TBCE: variants seen among roughly 807,000 people sequenced by gnomAD.
The protein encoded by TBCE is tubulin-specific chaperone E.
A neutral mutation model predicts 77.0 loss-of-function variants in TBCE; 53 were observed. The observed-to-expected ratio is 0.69, with a 90% CI of 0.55 to 0.87. The LOEUF is 0.87. TBCE is among the 40% of genes least tolerant of loss of function. TBCE has a pLI of 0.00. For missense variants in TBCE, 624 were observed against 622.4 expected, an observed-to-expected ratio of 1.00 and a Z score of -0.03; for synonymous variants, 235 against 241.3, an observed-to-expected ratio of 0.97 and a Z score of 0.24.
Position 235,372,232 on chromosome 1 carries a change from A to C in TBCE, c.-32+4728A>C, listed in dbSNP as rs140741914. 3.6e-3 allele frequency among the ~76,000 whole-genome samples: 540 copies of C among 151,660 alleles called. 4 individuals are homozygous for C. The highest frequency in any genetic ancestry group is 0.013 in the African/African-American group (525 of 41,382). ...TCCACCTCGCCAGGCTAATTTTTGT[A>C]TTTTTAGTTGCAACGGGATTTCACC... On this transcript the variant is annotated intron_variant, in intron 1 of 16. Coordinates refer to ENST00000642610, the MANE Select transcript of TBCE (RefSeq NM_003193.5).
At chr1:235,376,873 G>C (rs540932077) in intron 1 of TBCE, among the ~76,000 whole-genome samples, 95 of 152,114 alleles carry the variant, frequency 6.2e-4, no homozygotes, top group African/African-American at 2.0e-3. Flanking sequence ...ACTCAGGAGG[G>C]TGAGGCGGAA....
intron 5 of TBCE, among the ~76,000 whole-genome samples, chr1:235,420,506 C>G: frequency 9.5e-6 from 1 of 105,132 alleles, no homozygotes; most frequent in South Asian, 2.9e-4. Context: ...TTTTTTGAGA[C>G]GGAGTCTCGC....
intron 7 of TBCE, 114 bp downstream of exon 7, chr1:235,430,918 C>A: frequency 1.1e-6 from 1 of 872,054 alleles, no homozygotes; most frequent in South Asian, 1.5e-5. Context: ...TTAAATCATC[C>A]CAGTATCTAT....
intron 3 of TBCE, among the ~76,000 whole-genome samples, chr1:235,410,937 T>A (rs1477743834): frequency 6.6e-6 from 1 of 152,172 alleles, no homozygotes; most frequent in Non-Finnish European, 1.5e-5. Context: ...AGTGTTCAGT[T>A]TAAGAAAACA....
intron 15 of TBCE, among the ~76,000 whole-genome samples, chr1:235,448,076 A>G (rs1682549684): frequency 6.6e-6 from 1 of 151,934 alleles, no homozygotes. Flanking sequence ...GGGTGTGGTG[A>G]TGGGCACCAG....
intron 4 of TBCE, chr1:235,415,328 C>T (rs1680050369): frequency 6.6e-6 from 1 of 152,450 alleles, no homozygotes; most frequent in African/African-American, 2.4e-5. Flanking sequence ...ATTCTCTTTT[C>T]TCTGAAACTG....
Position 235,450,375 on chromosome 1 carries a change from G to A in TBCE, c.*1613G>A. ...AACAACCAAAGCCGATCTGAGAGTGGTGAAACTGTTTTAAGAGCATCAGAA... is the reference window on the plus strand; with the variant it reads ...AACAACCAAAGCCGATCTGAGAGTGATGAAACTGTTTTAAGAGCATCAGAA... On this transcript the variant is annotated 3_prime_UTR_variant, in exon 17 of 17. Transcript: ENST00000642610. 2.5e-6 allele frequency: 4 copies of A among 1,609,480 alleles called. No homozygotes were observed. Among genetic ancestry groups the A allele is most frequent in the Non-Finnish European group, 3.4e-6 (4 of 1,176,420 alleles).
chr1:235,436,490 C>G (rs757784395), intron 10 of TBCE, 40 bp downstream of exon 10: 2 of 1,610,656 alleles, frequency 1.2e-6, no homozygotes, highest in Admixed American at 3.3e-5. Context: ...CCCCCCCACA[C>G]TATACTTCAG....
At chr1:235,409,457 G>T (rs570849557) in intron 3 of TBCE, among the ~76,000 whole-genome samples, 2 of 152,152 alleles carry the variant, frequency 1.3e-5, no homozygotes, top group African/African-American at 4.8e-5. Context: ...GAGATTTGTT[G>T]TTATTGATGG....
At chr1:235,425,247 A>G (rs747618482) in intron 5 of TBCE, among the ~76,000 whole-genome samples, 10 of 152,140 alleles carry the variant, frequency 6.6e-5, no homozygotes, top group Admixed American at 2.6e-4. Flanking sequence ...TGACAGTTCC[A>G]TTTGCACAGG....
chr1:235,417,451 AT>A (rs1373670082), intron 4 of TBCE, among the ~76,000 whole-genome samples: 1 of 152,226 alleles, frequency 6.6e-6, no homozygotes, highest in East Asian at 1.9e-4. Flanking sequence ...CAATAGAAAT[AT>A]TTGTTTTATA....
At chr1:235,406,635 G>A (rs1220342770) in intron 3 of TBCE, among the ~76,000 whole-genome samples, 1 of 152,038 alleles carries the variant, frequency 6.6e-6, no homozygotes, top group Non-Finnish European at 1.5e-5. Flanking sequence ...GGGTCCAAGC[G>A]ATTCTCCTGC....
chr1:235,409,884 G>C (rs1002821642), intron 3 of TBCE, among the ~76,000 whole-genome samples: 1 of 60,186 alleles, frequency 1.7e-5, no homozygotes, highest in African/African-American at 1.2e-4. Context: ...CAAAAAATTA[G>C]CCAGGCGTGG....
chr1:235,450,092 G>T lies in TBCE; in HGVS notation c.*1330G>T. On this transcript the variant is annotated 3_prime_UTR_variant, in exon 17 of 17. Transcript: ENST00000642610. ...TGGTTCTGGGTGAAAGTGCCAGTCT[G>T]GAACTCTCTTGAAAGACCATACAGT... is the stretch of plus-strand genomic sequence containing the variant. The T allele has an allele frequency of 7.6e-7, 1 of 1,312,710 alleles. No individual in the cohort carries two copies. Among genetic ancestry groups the T allele is most frequent in the Non-Finnish European group, 1.1e-6 (1 of 940,872 alleles). 81.3% of individuals were successfully genotyped at this position (1,312,710 alleles called of 1,614,324 possible). A position where few individuals can be genotyped will look rare whatever the true frequency, so the allele number is the denominator to read the frequency against.
At chr1:235,391,730 C>G (rs893196360) in intron 2 of TBCE, among the ~76,000 whole-genome samples, 4 of 150,246 alleles carry the variant, frequency 2.7e-5, no homozygotes, top group African/African-American at 9.8e-5. Context: ...CCTCAGCCTC[C>G]CAAGTAGCTG....
At chr1:235,372,751 C>A (rs886086090) in intron 1 of TBCE, among the ~76,000 whole-genome samples, 2 of 151,652 alleles carry the variant, frequency 1.3e-5, no homozygotes, top group Non-Finnish European at 2.9e-5. Flanking sequence ...GGTGAAACCA[C>A]GTCTCTACTA....
rs1008657126 is a variant in TBCE, at chr1:235,399,174, C to T, written c.101-2329C>T. Among the ~76,000 whole-genome samples, 6 of 152,058 alleles carry T rather than the reference C, an allele frequency of 3.9e-5. No individual in the cohort carries two copies. In the South Asian group the frequency reaches 6.2e-4, roughly 16 times the overall value. On this transcript the variant is annotated intron_variant, in intron 2 of 16. Transcript: ENST00000642610. ...TTTGCCATGTTGCCTAGGCTGGTCT[C>T]GAACTCCTGAGCTCAAGCAATCCAC...
intron 15 of TBCE, among the ~76,000 whole-genome samples, chr1:235,446,847 G>A (rs1275061513): frequency 6.6e-6 from 1 of 151,888 alleles, no homozygotes; most frequent in African/African-American, 2.4e-5. Context: ...GCTATGCTTG[G>A]CTAATTTTTT....
At chr1:235,439,409 TG>T (rs1681683958) in intron 13 of TBCE, among the ~76,000 whole-genome samples, 1 of 149,400 alleles carries the variant, frequency 6.7e-6, no homozygotes, top group African/African-American at 2.5e-5. Context: ...GGCAGGAGAA[TG>T]GTGTGAACCC....
Sources: allele counts gnomAD v4.1 joint callset (sites outside exome capture counted in the v4.1 genomes callset), GRCh38; gene constraint gnomAD v4.1.1; transcripts MANE v1.5; gene names NCBI Gene and HGNC (gene_info 2026-07-23, HGNC 2026-07-21).